RFX4: variants seen among roughly 807,000 people sequenced by gnomAD.
RFX4 encodes the protein transcription factor RFX4.
A neutral mutation model predicts 95.0 loss-of-function variants in RFX4; 10 were observed. The ratio of observed to expected loss-of-function variants is 0.11; its 90% CI spans 0.06 to 0.18. The LOEUF (loss-of-function observed/expected upper bound fraction) is 0.18, where lower values mean the gene tolerates loss of function less well. Among genes scored for constraint, RFX4 ranks in the 10% least tolerant of loss-of-function variants. The probability of loss-of-function intolerance (pLI) is 1.00; values close to 1 mark genes in which losing one functional copy is unlikely to be tolerated. For missense variants in RFX4, 640 were observed against 922.0 expected, an observed-to-expected ratio of 0.69 and a Z score of 3.96; for synonymous variants, 321 against 340.7, an observed-to-expected ratio of 0.94 and a Z score of 0.64.
At chr12:106,646,244 T>G (rs11113067) in intron 3 of RFX4, among the ~76,000 whole-genome samples, 15,570 of 151,420 alleles carry the variant, frequency 0.1, 817 homozygotes, top group South Asian at 0.15. Flanking sequence ...AGTAGAGTAC[T>G]GGGTATAGGT....
chr12:106,761,252 C>G lies in RFX4; in HGVS notation c.1991C>G (p.Pro664Arg). 3.7e-6 allele frequency: 6 copies of G among 1,614,118 alleles called. No individual in the cohort carries two copies. Among genetic ancestry groups the G allele is most frequent in the East Asian group, 2.2e-5 (1 of 44,884 alleles). ...GAACCTTGTTTGATGAGCAGTACTC[C>G]CAGACTGCATCCTACCCCAGTCACT... ...RMEPCLMSST[P>R]RLHPTPVTPR... The change falls in exon 18 of 18, where the codon CCC (proline) becomes CGC (arginine). Residue 664 changes from proline to arginine, a missense_variant. Physicochemically the swap from Pro to Arg is moderately radical, Grantham distance 103. This residue lies in a region of RFX4 where 300 missense variants were observed against 346.8 expected (regional missense o/e 0.87). Transcript: ENST00000392842.
chr12:106,618,215 A>G (rs2040112041), intron 2 of RFX4, among the ~76,000 whole-genome samples: 1 of 152,098 alleles, frequency 6.6e-6, no homozygotes, highest in Non-Finnish European at 1.5e-5. Flanking sequence ...GATTATATAC[A>G]TAGATTATAT....
chr12:106,594,766 G>C (rs961873714), intron 1 of RFX4, among the ~76,000 whole-genome samples: 38 of 149,978 alleles, frequency 2.5e-4, no homozygotes, highest in African/African-American at 9.3e-4. Context: ...TGGATCCCGT[G>C]TTCTGCTCAA....
intron 6 of RFX4, 46 bp from the exon 7 acceptor site, chr12:106,689,241 G>A (rs369969487): frequency 6.9e-7 from 1 of 1,446,642 alleles, no homozygotes. Context: ...GCAGCAATGT[G>A]TATTAATGTA....
chr12:106,753,170 G>C (rs1177570378), intron 17 of RFX4, among the ~76,000 whole-genome samples: 2 of 152,066 alleles, frequency 1.3e-5, no homozygotes, highest in East Asian at 3.9e-4. Flanking sequence ...TCTTAAGACT[G>C]GTTACCTTTC....
chr12:106,669,230 C>T (rs913003856), intron 4 of RFX4, among the ~76,000 whole-genome samples: 4 of 152,172 alleles, frequency 2.6e-5, no homozygotes, highest in African/African-American at 9.7e-5. Flanking sequence ...AGGTCTCCCC[C>T]TCCCCCACAC....
At chr12:106,606,087 C>T (rs1353947617) in intron 1 of RFX4, among the ~76,000 whole-genome samples, 2 of 152,164 alleles carry the variant, frequency 1.3e-5, no homozygotes, top group African/African-American at 2.4e-5. Flanking sequence ...CAGCTTCTCT[C>T]GGGAATGTTG....
chr12:106,640,724 C>T (rs1018287115), intron 3 of RFX4, among the ~76,000 whole-genome samples: 4 of 150,640 alleles, frequency 2.7e-5, no homozygotes, highest in South Asian at 4.2e-4. Flanking sequence ...AATGAGGCAT[C>T]GATGTAAAGG....
At chr12:106,609,034 A>G (rs1213519695) in intron 2 of RFX4, 151 bp downstream of exon 2, 6 of 634,674 alleles carry the variant, frequency 9.5e-6, no homozygotes, top group Middle Eastern at 5.1e-4. Flanking sequence ...TCCTCTCTGT[A>G]ATATTCCACA....
At chr12:106,619,799 A>AT (rs1170790975) in intron 2 of RFX4, among the ~76,000 whole-genome samples, 3 of 151,782 alleles carry the variant, frequency 2.0e-5, no homozygotes, top group East Asian at 1.9e-4. Flanking sequence ...TCAGTTTTGT[A>AT]TTTTTTTAAT....
chr12:106,742,987 T>G (rs1167557676), intron 15 of RFX4, among the ~76,000 whole-genome samples: 1 of 152,212 alleles, frequency 6.6e-6, no homozygotes, highest in Non-Finnish European at 1.5e-5. Flanking sequence ...TTAAAACCCC[T>G]TCCAAAACAA....
chr12:106,635,522 A>G (rs2040494052), intron 2 of RFX4, among the ~76,000 whole-genome samples: 1 of 152,124 alleles, frequency 6.6e-6, no homozygotes, highest in Admixed American at 6.5e-5. Flanking sequence ...TGTGTTGGGC[A>G]GGCTGGTCTC....
intron 1 of RFX4, among the ~76,000 whole-genome samples, chr12:106,602,032 G>T (rs185673366): frequency 1.3e-3 from 198 of 152,232 alleles, no homozygotes; most frequent in Non-Finnish European, 2.0e-3. Flanking sequence ...AACACTCCTG[G>T]TACCTGCTTG....
chr12:106,589,147 G>T (rs1262885185), intron 1 of RFX4, among the ~76,000 whole-genome samples: 1 of 152,098 alleles, frequency 6.6e-6, no homozygotes, highest in Non-Finnish European at 1.5e-5. Flanking sequence ...TTAGATATTT[G>T]CAATTTTATT....
chr12:106,606,905 G>A (rs2039845947), intron 1 of RFX4, among the ~76,000 whole-genome samples: 1 of 152,220 alleles, frequency 6.6e-6, no homozygotes, highest in African/African-American at 2.4e-5. Flanking sequence ...AACCTAAGGT[G>A]TTAACTAATG....
At chr12:106,671,597 A>G (rs1014998674) in intron 4 of RFX4, among the ~76,000 whole-genome samples, 3 of 152,142 alleles carry the variant, frequency 2.0e-5, no homozygotes, top group African/African-American at 7.2e-5. Context: ...CCTAGATCCC[A>G]GTTCCTCATT....
intron 16 of RFX4, among the ~76,000 whole-genome samples, chr12:106,747,927 TAAA>T (rs10624179): frequency 1.6e-5 from 2 of 126,368 alleles, no homozygotes; most frequent in Admixed American, 8.2e-5. Context: ...GACGCCGTCT[TAAA>T]AAAAAAAAAA....
chr12:106,595,810 A>T (rs754810765), intron 1 of RFX4, among the ~76,000 whole-genome samples: 21 of 152,220 alleles, frequency 1.4e-4, no homozygotes, highest in Non-Finnish European at 2.8e-4. Flanking sequence ...GGAATCCAGC[A>T]GGCTTCCTGA....
intron 11 of RFX4, among the ~76,000 whole-genome samples, chr12:106,717,000 CAAAAAA>C (rs71311249): frequency 3.5e-4 from 21 of 60,506 alleles, no homozygotes; most frequent in African/African-American, 9.9e-4. Flanking sequence ...GCACAGGAGA[CAAAAAA>C]AAAAAAAAAA....
Sources: gnomAD v4.1 joint callset for allele counts (sites outside exome capture counted in the v4.1 genomes callset) on GRCh38, gnomAD v4.1.1 for gene constraint, gnomAD v4.1.1 regional missense constraint, MANE v1.5 for transcripts, NCBI Gene and HGNC (gene_info 2026-07-23, HGNC 2026-07-21) for gene names.